PDE4DIP: variants seen among roughly 807,000 people sequenced by gnomAD.
PDE4DIP encodes the protein phosphodiesterase 4D interacting protein.
PDE4DIP carries 59 observed loss-of-function variants against 221.4 expected under a neutral mutation model. That is an observed-to-expected ratio of 0.27 (90% CI 0.22 to 0.33). The LOEUF (loss-of-function observed/expected upper bound fraction) is 0.33. PDE4DIP is among the 10% of genes least tolerant of loss of function. The pLI, the probability that PDE4DIP is intolerant of heterozygous loss-of-function variation, is 1.00. For synonymous variants in PDE4DIP, 404 were observed against 815.9 expected, an observed-to-expected ratio of 0.50 and a Z score of 8.60; for missense variants, 1,036 against 2,154.2, an observed-to-expected ratio of 0.48 and a Z score of 10.28.
exon 27 of PDE4DIP, chr1:149,005,199 G>C (rs1553593823): frequency 6.2e-7 from 1 of 1,609,300 alleles, no homozygotes; most frequent in Non-Finnish European, 8.5e-7. Flanking sequence ...GTCTAGTCTG[G>C]AAAGACCCCG....
At chr1:148,927,164 G>T (rs1454440338) in intron 1 of PDE4DIP, among the ~76,000 whole-genome samples, 3 of 151,446 alleles carry the variant, frequency 2.0e-5, no homozygotes, top group Non-Finnish European at 4.4e-5. Flanking sequence ...GCTAAATCTG[G>T]TAATGCTATT....
chr1:148,984,632 G>A (rs1449765002), intron 21 of PDE4DIP: 1 of 152,088 alleles, frequency 6.6e-6, no homozygotes, highest in East Asian at 1.9e-4. Context: ...ACTGATTTCA[G>A]TTCTCTCTAT....
intron 5 of PDE4DIP, among the ~76,000 whole-genome samples, chr1:148,956,320 A>G (rs1157395715): frequency 6.6e-6 from 1 of 151,984 alleles, no homozygotes; most frequent in Non-Finnish European, 1.5e-5. Context: ...ACCATATTTT[A>G]TGCACTATTA....
At chr1:148,898,824 T>C (rs1553444788) in intron 1 of PDE4DIP, among the ~76,000 whole-genome samples, 2 of 100,996 alleles carry the variant, frequency 2.0e-5, no homozygotes, top group African/African-American at 4.6e-5. Flanking sequence ...GCCTGGAAAA[T>C]CCAGAAATTC....
chr1:149,023,934 T>G (rs4067353), intron 37 of PDE4DIP, among the ~76,000 whole-genome samples: 37,078 of 146,874 alleles, frequency 0.25, 4,771 homozygotes, highest in East Asian at 0.53. Context: ...CACATATATA[T>G]AGAGAGAGAG....
chr1:149,023,580 T>C lies in PDE4DIP; in HGVS notation c.6086-865T>C, dbSNP rs1456084244. Among the ~76,000 whole-genome samples, 57 of 146,616 alleles carry C rather than the reference T, an allele frequency of 3.9e-4. 3 individuals are homozygous for C. The highest frequency in any genetic ancestry group is 1.2e-3 in the African/African-American group (47 of 39,842). On this transcript the variant is annotated intron_variant, in intron 37 of 43. Coordinates refer to ENST00000369354, the Ensembl canonical transcript of PDE4DIP. ...ATATGTGCATGTATATATATGTGTG[T>C]ACATGTCATATATGTACATGTATAT... is the stretch of plus-strand genomic sequence containing the variant.
chr1:149,001,833 G>T (rs781973906), exon 24 of PDE4DIP: 8 of 1,594,824 alleles, frequency 5.0e-6, no homozygotes, highest in Non-Finnish European at 6.9e-6. Flanking sequence ...GTGCTGAGTA[G>T]CAAGGAAGGG....
At chr1:149,015,737 G>T (rs1433885352) in intron 32 of PDE4DIP, among the ~76,000 whole-genome samples, 6 of 150,252 alleles carry the variant, frequency 4.0e-5, no homozygotes, top group Admixed American at 4.0e-4. Context: ...CCTTACATAG[G>T]CCCTTCCCCA....
chr1:148,917,344 G>A (rs1553459158), intron 1 of PDE4DIP, among the ~76,000 whole-genome samples: 1 of 142,706 alleles, frequency 7.0e-6, no homozygotes, highest in African/African-American at 2.6e-5. Context: ...AATAAAACAA[G>A]CAGAACACCT....
chr1:148,981,776 A>T (rs782640292), intron 21 of PDE4DIP: 5 of 225,276 alleles, frequency 2.2e-5, no homozygotes, highest in Admixed American at 4.8e-5. Context: ...TTCTTCCCCA[A>T]CTTTCACAAT....
chr1:148,862,157 T>C (rs1684511876), intron 1 of PDE4DIP, among the ~76,000 whole-genome samples: 1 of 148,428 alleles, frequency 6.7e-6, no homozygotes, highest in Non-Finnish European at 1.5e-5. Flanking sequence ...CCTCCAGCTC[T>C]CCCTATCCAC....
intron 1 of PDE4DIP, among the ~76,000 whole-genome samples, chr1:148,907,227 G>A (rs1452215758): frequency 7.5e-5 from 10 of 133,996 alleles, no homozygotes; most frequent in African/African-American, 2.3e-4. Context: ...ATAGTTGGTC[G>A]GTTAATTCTT....
chr1:148,952,005 T>G, intron 5 of PDE4DIP: 1 of 959,890 alleles, frequency 1.0e-6, no homozygotes, highest in Non-Finnish European at 1.3e-6. Flanking sequence ...CGCGCAGCGG[T>G]ACCTAGCGGC....
chr1:148,861,666 G>GTCCTCT (rs1684234901), intron 1 of PDE4DIP, among the ~76,000 whole-genome samples: 2 of 113,946 alleles, frequency 1.8e-5, no homozygotes, highest in South Asian at 5.6e-4. Flanking sequence ...GAGAGAAAGA[G>GTCCTCT]AGAAGTCCTC....
chr1:148,963,734 C>CTCTT (rs1231484506), intron 9 of PDE4DIP, among the ~76,000 whole-genome samples: 8 of 147,188 alleles, frequency 5.4e-5, no homozygotes, highest in African/African-American at 2.0e-4. Context: ...TCTTTCCTCT[C>CTCTT]TCTTTCTTTC....
At position 149,013,161 on chromosome 1, in the gene PDE4DIP, G is replaced by A. The variant is rs1359833113; in HGVS notation, c.5266+385G>A. 2.0e-5 allele frequency among the ~76,000 whole-genome samples: 3 copies of A among 152,190 alleles called. No individual in the cohort carries two copies. The East Asian group carries it at 5.8e-4, about 29-fold the overall frequency. On this transcript the variant is annotated intron_variant, in intron 32 of 43. Coordinates refer to ENST00000369354, the Ensembl canonical transcript of PDE4DIP. ...AAGAAAAAGATGGCCACATTCAGTG[G>A]GCTCCTTTGTGTGGCTATTATGTTT...
intron 32 of PDE4DIP, among the ~76,000 whole-genome samples, chr1:149,013,336 G>A (rs375195990): frequency 4.3e-4 from 51 of 119,890 alleles, no homozygotes; most frequent in Middle Eastern, 7.6e-3. Flanking sequence ...CAGGTGACAC[G>A]TAGGCAGCTT....
chr1:148,977,924 C>T lies in PDE4DIP; in HGVS notation c.2320-13C>T. On this transcript the variant is annotated splice_polypyrimidine_tract_variant and intron_variant, in intron 17 of 43. Transcript: ENST00000369354. ...AATGTAAACATGGCAGACATTGTTT[C>T]CTCTTTTCACAGATGGAACTTTCTG... is the stretch of plus-strand genomic sequence containing the variant. The T allele has an allele frequency of 1.2e-6, 2 of 1,609,922 alleles. No homozygotes were observed. Among genetic ancestry groups the T allele is most frequent in the East Asian group, 2.2e-5 (1 of 44,844 alleles).
At chr1:148,944,738 A>G (rs2051230144) in intron 5 of PDE4DIP, among the ~76,000 whole-genome samples, 1 of 151,232 alleles carries the variant, frequency 6.6e-6, no homozygotes, top group African/African-American at 2.4e-5. Context: ...AGGTGTGGTG[A>G]CGCGTGCCTG....
Sources: gnomAD v4.1 joint callset for allele counts (sites outside exome capture counted in the v4.1 genomes callset) on GRCh38, gnomAD v4.1.1 for gene constraint, MANE v1.5 for transcripts, NCBI Gene and HGNC (gene_info 2026-07-23, HGNC 2026-07-21) for gene names.